The following FCHO2 variants were observed in gnomAD, a reference collection of about 807,000 sequenced individuals.
FCHO2 encodes the protein FCH and mu domain containing endocytic adaptor 2.
Under a neutral mutation model 114.1 loss-of-function variants are expected in FCHO2, and 43 were observed. The ratio of observed to expected loss-of-function variants is 0.38; its 90% CI spans 0.30 to 0.49. FCHO2 has a LOEUF of 0.49. Ranked by LOEUF, FCHO2 falls within the 20% of genes least tolerant of loss-of-function variation. The pLI, the probability that FCHO2 is intolerant of heterozygous loss-of-function variation, is 0.97. For missense variants in FCHO2, 807 were observed against 950.4 expected (o/e 0.85, Z 1.98); for synonymous variants, 293 against 315.2 (o/e 0.93, Z 0.75).
In FCHO2 at chr5:73,078,788, ATT is replaced by A. The variant is rs1742998946; in HGVS notation, c.1980+478_1980+479del. On this transcript the variant is annotated intron_variant, in intron 22 of 25. Transcript: ENST00000430046. ...TCTCACGAGAACCAATTGAAGAACT[ATT>A]TGACATAAGGACATTTAATATAGGT... Among the ~76,000 whole-genome samples, 6 of 152,248 alleles carry A rather than the reference ATT, an allele frequency of 3.9e-5. No homozygotes were observed. In the South Asian group the frequency reaches 1.2e-3, roughly 31 times the overall value.
chr5:73,074,593 A>G (rs1349664514), intron 19 of FCHO2, 149 bp from the exon 20 acceptor site: 3 of 669,238 alleles, frequency 4.5e-6, no homozygotes, highest in Admixed American at 3.0e-5. Flanking sequence ...GTTTTATACT[A>G]TATTTCTTAG....
In FCHO2 at chr5:73,063,759, T is replaced by A; in HGVS notation, c.1346-82T>A. 7 of 1,285,612 alleles carry A rather than the reference T, an allele frequency of 5.4e-6. No homozygotes were observed. In the South Asian group the frequency reaches 9.3e-5, roughly 17 times the overall value. The allele number at this position is 1,285,612 out of a possible 1,614,324, so 79.6% of individuals were successfully genotyped here. A position where few individuals can be genotyped will look rare whatever the true frequency, so the allele number is the denominator to read the frequency against. On this transcript the variant is annotated intron_variant, in intron 17 of 25. Transcript: ENST00000430046. ...AAAAATGAGCTTTGATTACCAAAAG[T>A]TTCTTTATAATAGAATGTCTTTATG...
chr5:73,061,220 C>A (rs1161934615), intron 17 of FCHO2, among the ~76,000 whole-genome samples: 4 of 151,970 alleles, frequency 2.6e-5, no homozygotes, highest in Admixed American at 2.6e-4. Flanking sequence ...TAAATAGTTA[C>A]CTTTGCTCCT....
intron 6 of FCHO2, among the ~76,000 whole-genome samples, chr5:73,008,761 C>T (rs140550220): frequency 7.9e-5 from 12 of 152,112 alleles, no homozygotes; most frequent in Middle Eastern, 3.4e-3. Flanking sequence ...TAGTCTTTAT[C>T]CTACGTATAT....
chr5:72,974,932 G>A (rs1752774837), intron 2 of FCHO2, among the ~76,000 whole-genome samples: 1 of 152,126 alleles, frequency 6.6e-6, no homozygotes, highest in Non-Finnish European at 1.5e-5. Context: ...TTGCTTGTCT[G>A]TAAAGTATTT....
chr5:73,028,898 C>T (rs1281689735), intron 8 of FCHO2, among the ~76,000 whole-genome samples: 6 of 152,020 alleles, frequency 3.9e-5, no homozygotes, highest in East Asian at 1.9e-4. Context: ...CCACCCGCCT[C>T]GGCCTCCCAA....
chr5:73,049,374 C>T (rs1233801754), intron 11 of FCHO2, among the ~76,000 whole-genome samples: 1 of 152,162 alleles, frequency 6.6e-6, no homozygotes, highest in Non-Finnish European at 1.5e-5. Context: ...CACAAAGCTG[C>T]TGGCATTCCT....
intron 11 of FCHO2, among the ~76,000 whole-genome samples, chr5:73,043,118 G>C (rs1371489639): frequency 6.7e-6 from 1 of 149,338 alleles, no homozygotes; most frequent in Non-Finnish European, 1.5e-5. Context: ...TTTTTTTTTG[G>C]TAGAGTTGGG....
At chr5:73,080,340 C>G (rs553485092) in intron 22 of FCHO2, among the ~76,000 whole-genome samples, 2 of 152,282 alleles carry the variant, frequency 1.3e-5, no homozygotes, top group East Asian at 1.9e-4. Flanking sequence ...CAAGTAAAAC[C>G]TCTTAGAAGG....
intron 13 of FCHO2, among the ~76,000 whole-genome samples, chr5:73,053,125 A>G (rs1409840237): frequency 1.3e-5 from 2 of 152,210 alleles, no homozygotes; most frequent in African/African-American, 4.8e-5. Flanking sequence ...TAAGTTAAGT[A>G]TATCTATATG....
intron 8 of FCHO2, among the ~76,000 whole-genome samples, chr5:73,031,081 G>A (rs763460912): frequency 3.9e-5 from 6 of 151,998 alleles, no homozygotes; most frequent in Non-Finnish European, 8.8e-5. Flanking sequence ...TCTATACCCT[G>A]TGCATATCAC....
intron 19 of FCHO2, 99 bp from the exon 20 acceptor site, chr5:73,074,643 A>G: frequency 9.7e-7 from 1 of 1,026,150 alleles, no homozygotes; most frequent in Non-Finnish European, 1.5e-6. Context: ...AACCAGTGGT[A>G]GGGTCGTTTG....
chr5:73,074,174 T>C (rs1366061191), intron 19 of FCHO2, among the ~76,000 whole-genome samples: 1 of 151,696 alleles, frequency 6.6e-6, no homozygotes, highest in Non-Finnish European at 1.5e-5. Flanking sequence ...GAGTGAACTT[T>C]GGCCAGGGTT....
chr5:73,011,070 G>A (rs1332519318), intron 6 of FCHO2, among the ~76,000 whole-genome samples: 1 of 151,966 alleles, frequency 6.6e-6, no homozygotes, highest in Non-Finnish European at 1.5e-5. Context: ...ACATAGAAAA[G>A]ATATAGTAAA....
At chr5:72,981,897 C>A (rs258887) in intron 2 of FCHO2, among the ~76,000 whole-genome samples, 72,499 of 151,938 alleles carry the variant, frequency 0.48, 18,473 homozygotes, top group Admixed American at 0.61. Flanking sequence ...AGAACATGCT[C>A]CTTTAGCTTA....
rs186625402 is a variant in FCHO2, at chr5:73,023,797, T to C, written c.796+6489T>C. Reference sequence around the variant, plus strand: ...TATATGCCACTAATTTCGTTTAATATAGACTTGCAGGTGAATGAAAGTTTT... The same window carrying C: ...TATATGCCACTAATTTCGTTTAATACAGACTTGCAGGTGAATGAAAGTTTT... On this transcript the variant is annotated intron_variant, in intron 8 of 25. Coordinates refer to ENST00000430046, the MANE Select transcript of FCHO2 (RefSeq NM_138782.3). Among the ~76,000 whole-genome samples, 13 of 152,300 alleles carry C rather than the reference T, an allele frequency of 8.5e-5. No homozygotes were observed. In the East Asian group the frequency reaches 9.6e-4, roughly 11 times the overall value.
intron 8 of FCHO2, chr5:73,021,172 G>C: frequency 2.6e-6 from 2 of 774,416 alleles, no homozygotes; most frequent in South Asian, 1.3e-5. Flanking sequence ...CCTTTGTCCA[G>C]GCTGGTGAAC....
intron 16 of FCHO2, among the ~76,000 whole-genome samples, chr5:73,057,617 A>G (rs1050532631): frequency 2.6e-5 from 4 of 152,050 alleles, no homozygotes; most frequent in African/African-American, 9.7e-5. Context: ...AAATCACTTT[A>G]CCCTTTTTCT....
At chr5:73,018,101 T>C (rs778397448) in intron 8 of FCHO2, among the ~76,000 whole-genome samples, 21 of 152,186 alleles carry the variant, frequency 1.4e-4, no homozygotes, top group Non-Finnish European at 2.4e-4. Flanking sequence ...AAATATGATA[T>C]GGCATTCCAG....
Sources: gnomAD v4.1 joint callset for allele counts (sites outside exome capture counted in the v4.1 genomes callset) on GRCh38, gnomAD v4.1.1 for gene constraint, MANE v1.5 for transcripts, NCBI Gene and HGNC (gene_info 2026-07-23, HGNC 2026-07-21) for gene names.